The following LSAMP variants were observed in gnomAD, a reference collection of about 807,000 sequenced individuals.
LSAMP encodes the protein limbic system associated membrane protein, also known as limbic system-associated membrane protein.
A neutral mutation model predicts 38.6 loss-of-function variants in LSAMP; 7 were observed. The observed-to-expected ratio is 0.18, with a 90% CI of 0.10 to 0.34. LSAMP has a LOEUF of 0.34. LSAMP is among the 10% of genes least tolerant of loss of function. The pLI, the probability that LSAMP is intolerant of heterozygous loss-of-function variation, is 1.00. For missense variants in LSAMP, 313 were observed against 420.0 expected, an observed-to-expected ratio of 0.75 and a Z score of 2.23; for synonymous variants, 154 against 166.8, an observed-to-expected ratio of 0.92 and a Z score of 0.59.
intron 6 of LSAMP, among the ~76,000 whole-genome samples, chr3:115,836,155 C>A (rs1420421573): frequency 6.6e-6 from 1 of 152,134 alleles, no homozygotes; most frequent in Non-Finnish European, 1.5e-5. Context: ...ATCTTACCCA[C>A]CCTCCTTTCA....
chr3:116,260,628 G>T (rs2046813484), intron 1 of LSAMP, among the ~76,000 whole-genome samples: 1 of 152,112 alleles, frequency 6.6e-6, no homozygotes, highest in Non-Finnish European at 1.5e-5. Flanking sequence ...TAAGAGTGCT[G>T]GTTACCTGGA....
chr3:116,096,054 G>C (rs1708219656), intron 1 of LSAMP, among the ~76,000 whole-genome samples: 1 of 152,154 alleles, frequency 6.6e-6, no homozygotes, highest in Non-Finnish European at 1.5e-5. Flanking sequence ...ATAAAACGAA[G>C]ATGATCATAG....
At chr3:116,005,028 T>C (rs2107665940) in intron 3 of LSAMP, among the ~76,000 whole-genome samples, 1 of 152,264 alleles carries the variant, frequency 6.6e-6, no homozygotes, top group Non-Finnish European at 1.5e-5. Context: ...CTAGTGATGG[T>C]AGTAATAGTA....
At chr3:116,143,609 TAA>T (rs1709421915) in intron 1 of LSAMP, among the ~76,000 whole-genome samples, 2 of 151,990 alleles carry the variant, frequency 1.3e-5, no homozygotes, top group African/African-American at 4.8e-5. Flanking sequence ...TTCACAAAAT[TAA>T]AAGTCTACTG....
chr3:116,084,774 A>G (rs1167062539), intron 2 of LSAMP, among the ~76,000 whole-genome samples: 1 of 152,188 alleles, frequency 6.6e-6, no homozygotes, highest in Non-Finnish European at 1.5e-5. Context: ...TTTTTCAAGC[A>G]TAACCCATTA....
chr3:116,445,423 C>G lies in LSAMP; in HGVS notation c.-392G>C. 131 of 208,594 alleles carry G rather than the reference C, an allele frequency of 6.3e-4. No individual in the cohort carries two copies. The highest frequency in any genetic ancestry group is 1.8e-3 in the Middle Eastern group (1 of 560). 12.9% of individuals were successfully genotyped at this position (208,594 alleles called of 1,614,324 possible). Reference sequence around the variant, plus strand: ...TCTGTAACCCACTTTCCCAGGCTGGCGGGCGGGCGGGCGAGGGAGCCGGCA... The same window carrying G: ...TCTGTAACCCACTTTCCCAGGCTGGGGGGCGGGCGGGCGAGGGAGCCGGCA... On this transcript the variant is annotated 5_prime_UTR_variant, in exon 1 of 7. Coordinates refer to ENST00000490035, the MANE Select transcript of LSAMP (RefSeq NM_002338.5).
intron 2 of LSAMP, among the ~76,000 whole-genome samples, chr3:116,062,353 A>T (rs1941608319): frequency 6.6e-6 from 1 of 152,174 alleles, no homozygotes; most frequent in East Asian, 1.9e-4. Context: ...TACTGAAGAT[A>T]CAAAAATTAG....
intron 1 of LSAMP, among the ~76,000 whole-genome samples, chr3:116,314,422 T>C (rs975969251): frequency 1.3e-5 from 2 of 152,156 alleles, no homozygotes; most frequent in South Asian, 2.1e-4. Flanking sequence ...GAAAGACAGA[T>C]GCATAAACAG....
chr3:116,195,276 A>T lies in LSAMP; in HGVS notation c.156-108720T>A, dbSNP rs1428642678. Among the ~76,000 whole-genome samples, 4 of 152,190 alleles carry T rather than the reference A, an allele frequency of 2.6e-5. No homozygotes were observed. In the South Asian group the frequency reaches 8.3e-4, roughly 31 times the overall value. On this transcript the variant is annotated intron_variant, in intron 1 of 6. Coordinates refer to ENST00000490035, the MANE Select transcript of LSAMP (RefSeq NM_002338.5). The stretch of plus-strand genomic sequence containing the variant: ...AAATTTCATCACTTCTGTGTTACAA[A>T]TATTTGAATTGAATGTTCTTTATTT...
chr3:115,943,479 G>A (rs555492032), intron 3 of LSAMP, among the ~76,000 whole-genome samples: 22 of 152,250 alleles, frequency 1.4e-4, no homozygotes, highest in Admixed American at 1.3e-3. Flanking sequence ...GTTTCTTACT[G>A]CTCTGCTCCT....
intron 1 of LSAMP, among the ~76,000 whole-genome samples, chr3:116,190,636 T>C (rs965915494): frequency 2.0e-5 from 3 of 152,182 alleles, no homozygotes; most frequent in Non-Finnish European, 2.9e-5. Context: ...AGTGGAAAGC[T>C]ACAAGGAAGG....
intron 1 of LSAMP, among the ~76,000 whole-genome samples, chr3:116,267,612 A>AG (rs10649808): frequency 1.1e-3 from 1 of 936 alleles, no homozygotes; most frequent in Non-Finnish European, 4.1e-3. Context: ...TTAAGCTGGC[A>AG]AAAAAAAAAA....
chr3:116,121,540 A>C (rs1708875867), intron 1 of LSAMP, among the ~76,000 whole-genome samples: 2 of 152,190 alleles, frequency 1.3e-5, no homozygotes, highest in Non-Finnish European at 2.9e-5. Flanking sequence ...TAGAACCTGA[A>C]ATTTTTAGCT....
At chr3:115,890,081 T>G (rs2107455823) in intron 3 of LSAMP, among the ~76,000 whole-genome samples, 1 of 152,020 alleles carries the variant, frequency 6.6e-6, no homozygotes, top group African/African-American at 2.4e-5. Flanking sequence ...AGCAGTAAAC[T>G]TCTATTTTAA....
At chr3:115,963,993 T>G (rs1404519497) in intron 3 of LSAMP, among the ~76,000 whole-genome samples, 1 of 152,200 alleles carries the variant, frequency 6.6e-6, no homozygotes, top group Non-Finnish European at 1.5e-5. Flanking sequence ...GCTCAAGTGA[T>G]TCTTCCATTT....
chr3:116,166,957 A>AT (rs575835074), intron 1 of LSAMP, among the ~76,000 whole-genome samples: 7 of 151,274 alleles, frequency 4.6e-5, no homozygotes, highest in African/African-American at 1.5e-4. Flanking sequence ...GGCCCGGCTA[A>AT]TTTTTTTGTA....
intron 1 of LSAMP, among the ~76,000 whole-genome samples, chr3:116,333,870 GAAGA>G (rs1280628643): frequency 2.0e-5 from 3 of 151,184 alleles, no homozygotes; most frequent in Non-Finnish European, 4.4e-5. Flanking sequence ...TCCAAAGCTA[GAAGA>G]AAGAAGGAAA....
intron 3 of LSAMP, among the ~76,000 whole-genome samples, chr3:115,975,094 C>T (rs142641936): frequency 1.3e-5 from 2 of 151,980 alleles, no homozygotes. Flanking sequence ...GATTATGGAT[C>T]CTATTTAGAA....
At chr3:116,439,577 T>A (rs952747015) in intron 1 of LSAMP, among the ~76,000 whole-genome samples, 1 of 152,212 alleles carries the variant, frequency 6.6e-6, no homozygotes, top group Non-Finnish European at 1.5e-5. Flanking sequence ...CTCTGAAGTC[T>A]AAATAACTGG....
Sources: gnomAD v4.1 joint callset for allele counts (sites outside exome capture counted in the v4.1 genomes callset) on GRCh38, gnomAD v4.1.1 for gene constraint, MANE v1.5 for transcripts, NCBI Gene and HGNC (gene_info 2026-07-23, HGNC 2026-07-21) for gene names.